Variants in NOS1AP observed in about 807,000 individuals in gnomAD.
The protein encoded by NOS1AP is carboxyl-terminal PDZ ligand of neuronal nitric oxide synthase protein.
NOS1AP carries 21 observed loss-of-function variants against 56.2 expected under a neutral mutation model. The observed-to-expected ratio is 0.37, with a 90% CI of 0.26 to 0.54. The LOEUF is 0.54. Ranked by LOEUF, NOS1AP falls within the 20% of genes least tolerant of loss-of-function variation. The pLI is 0.84. For missense variants in NOS1AP, 522 were observed against 657.8 expected, an observed-to-expected ratio of 0.79 and a Z score of 2.26; for synonymous variants, 270 against 274.6, an observed-to-expected ratio of 0.98 and a Z score of 0.17.
At chr1:162,126,376 T>C (rs1482084542) in intron 1 of NOS1AP, among the ~76,000 whole-genome samples, 1 of 152,196 alleles carries the variant, frequency 6.6e-6, no homozygotes, top group Non-Finnish European at 1.5e-5. Flanking sequence ...TATTTTCTCA[T>C]GTTTAGATTC....
chr1:162,148,214 G>A (rs1649563112), intron 1 of NOS1AP, among the ~76,000 whole-genome samples: 1 of 152,228 alleles, frequency 6.6e-6, no homozygotes, highest in South Asian at 2.1e-4. Context: ...CCTCAGAGGA[G>A]AGATTCTCCC....
chr1:162,104,298 C>G (rs1346514544), intron 1 of NOS1AP, among the ~76,000 whole-genome samples: 1 of 152,184 alleles, frequency 6.6e-6, no homozygotes, highest in African/African-American at 2.4e-5. Context: ...ATGGGCTTCC[C>G]TTTGTAGGTG....
At chr1:162,124,069 T>C (rs996258148) in intron 1 of NOS1AP, among the ~76,000 whole-genome samples, 1 of 152,228 alleles carries the variant, frequency 6.6e-6, no homozygotes. Flanking sequence ...CTAGTTGTTA[T>C]ATCTCTTTAG....
intron 1 of NOS1AP, among the ~76,000 whole-genome samples, chr1:162,121,356 T>C (rs983372546): frequency 1.3e-5 from 2 of 152,022 alleles, no homozygotes; most frequent in African/African-American, 4.8e-5. Flanking sequence ...TGACCTCAAG[T>C]GATCCGCCCA....
chr1:162,295,399 C>T (rs1330400591), intron 3 of NOS1AP, among the ~76,000 whole-genome samples: 1 of 152,158 alleles, frequency 6.6e-6, no homozygotes, highest in East Asian at 1.9e-4. Context: ...CTGAGTTTGG[C>T]TGTAGTTATT....
intron 1 of NOS1AP, among the ~76,000 whole-genome samples, chr1:162,113,918 A>T (rs563351234): frequency 1.3e-4 from 18 of 138,236 alleles, no homozygotes; most frequent in South Asian, 4.3e-4. Flanking sequence ...TAAGAGAATT[A>T]AAAAAAAAAA....
chr1:162,322,265 CT>C (rs1208473908), intron 4 of NOS1AP, among the ~76,000 whole-genome samples: 4 of 152,118 alleles, frequency 2.6e-5, no homozygotes, highest in Non-Finnish European at 4.4e-5. Context: ...GAGGAAGTGC[CT>C]TCAGGTGAGT....
chr1:162,310,889 A>ACT (rs10667390), intron 4 of NOS1AP, among the ~76,000 whole-genome samples: 9 of 149,888 alleles, frequency 6.0e-5, no homozygotes, highest in Admixed American at 1.3e-4. Context: ...CTGTTCGCTG[A>ACT]CTCTCTCTCT....
At position 162,329,781 on chromosome 1, in the gene NOS1AP, G is replaced by T. The variant is rs76517848; in HGVS notation, c.345-3236G>T. Among the ~76,000 whole-genome samples the T allele has an allele frequency of 8.5e-5, 13 of 152,280 alleles. No individual in the cohort carries two copies. The East Asian group carries it at 1.9e-3, about 23-fold the overall frequency. Reference sequence around the variant, plus strand: ...TATTAGTTTGTTGATGAATGAGGTCGCATGGAAAAACTTTCTGCCTCTTGG... The same window carrying T: ...TATTAGTTTGTTGATGAATGAGGTCTCATGGAAAAACTTTCTGCCTCTTGG... On this transcript the variant is annotated intron_variant, in intron 4 of 9. Transcript: ENST00000361897.
chr1:162,161,359 C>A (rs1650208574), intron 2 of NOS1AP, among the ~76,000 whole-genome samples: 1 of 152,202 alleles, frequency 6.6e-6, no homozygotes. Context: ...CCACCCCCTA[C>A]TGAGGTACTC....
intron 2 of NOS1AP, among the ~76,000 whole-genome samples, chr1:162,273,867 G>A (rs1206025993): frequency 6.6e-6 from 1 of 152,160 alleles, no homozygotes; most frequent in African/African-American, 2.4e-5. Context: ...CTAACTTTCT[G>A]TAACAATACT....
At chr1:162,239,409 G>T (rs1171435625) in intron 2 of NOS1AP, among the ~76,000 whole-genome samples, 2 of 152,208 alleles carry the variant, frequency 1.3e-5, no homozygotes, top group Non-Finnish European at 2.9e-5. Context: ...GCCCTATTTT[G>T]AGTATAATGC....
intron 3 of NOS1AP, among the ~76,000 whole-genome samples, chr1:162,299,073 G>C (rs1655559864): frequency 6.6e-6 from 1 of 152,192 alleles, no homozygotes; most frequent in Non-Finnish European, 1.5e-5. Context: ...TTTGCTGTTT[G>C]AAGGACTACT....
At chr1:162,180,444 C>G (rs1313432010) in intron 2 of NOS1AP, among the ~76,000 whole-genome samples, 2 of 152,108 alleles carry the variant, frequency 1.3e-5, no homozygotes, top group Admixed American at 1.3e-4. Context: ...CGCGCTTTCA[C>G]CGTGTTAGCC....
At chr1:162,124,576 G>A (rs187001406) in intron 1 of NOS1AP, among the ~76,000 whole-genome samples, 6 of 151,906 alleles carry the variant, frequency 3.9e-5, no homozygotes, top group Admixed American at 6.5e-5. Flanking sequence ...AGGCTGGAGT[G>A]CAGTGGCACG....
intron 5 of NOS1AP, among the ~76,000 whole-genome samples, chr1:162,340,866 T>A (rs1164895038): frequency 7.9e-5 from 12 of 152,218 alleles, no homozygotes. Flanking sequence ...ACCAGCCTAC[T>A]TCCTTACAGC....
intron 1 of NOS1AP, among the ~76,000 whole-genome samples, chr1:162,139,143 C>A (rs945009177): frequency 1.1e-4 from 16 of 152,206 alleles, no homozygotes; most frequent in African/African-American, 3.9e-4. Flanking sequence ...TACCTCTTAG[C>A]CCATCCCGGG....
intron 1 of NOS1AP, among the ~76,000 whole-genome samples, chr1:162,132,799 T>C (rs1161199294): frequency 6.6e-6 from 1 of 152,184 alleles, no homozygotes; most frequent in Non-Finnish European, 1.5e-5. Context: ...GGTTCCACAC[T>C]CCTTCAGTTT....
chr1:162,367,103 C>G lies in NOS1AP; in HGVS notation c.1157C>G (p.Pro386Arg), dbSNP rs375498479. The G allele has an allele frequency of 1.5e-5, 24 of 1,613,846 alleles. No homozygotes were observed. The highest frequency in any genetic ancestry group is 1.8e-5 in the Non-Finnish European group (21 of 1,180,028). The change falls in exon 10 of 10, where the codon CCC (proline) becomes CGC (arginine). Residue 386 changes from proline (P) to arginine (R), a missense_variant. Transcript: ENST00000361897. The surrounding 1 kb of genome is among the most constrained non-coding windows in gnomAD (Gnocchi z 6.5). ...LEITFRSGAL[P>R]VLCDPTTPKP... ...ATCACCTTCCGCTCCGGAGCCCTGCCCGTGCTCTGTGACCCCACGACCCCT... is the reference window on the plus strand; with the variant it reads ...ATCACCTTCCGCTCCGGAGCCCTGCGCGTGCTCTGTGACCCCACGACCCCT...
Sources: allele counts gnomAD v4.1 joint callset (sites outside exome capture counted in the v4.1 genomes callset), GRCh38; gene constraint gnomAD v4.1.1; non-coding constraint Gnocchi (gnomAD v3.1); transcripts MANE v1.5; gene names NCBI Gene and HGNC (gene_info 2026-07-23, HGNC 2026-07-21).